Variants in AGBL1 observed in about 807,000 individuals in gnomAD.
AGBL1 encodes the protein cytosolic carboxypeptidase 4.
A neutral mutation model predicts 118.9 loss-of-function variants in AGBL1; 130 were observed. The ratio of observed to expected loss-of-function variants is 1.09; its 90% confidence interval spans 0.95 to 1.26. The LOEUF is 1.26. Ranked by LOEUF, AGBL1 falls within the 50% of genes most tolerant of loss-of-function variation. The pLI, the probability that AGBL1 is intolerant of heterozygous loss-of-function variation, is 0.00. For missense variants in AGBL1, 1,584 were observed against 1,298.1 expected (o/e 1.22, Z -3.38); for synonymous variants, 555 against 478.9 (o/e 1.16, Z -2.08).
In AGBL1 at chr15:86,342,887, C is replaced by T. The variant is rs567990888; in HGVS notation, c.2374+47479C>T. Among the ~76,000 whole-genome samples the T allele has an allele frequency of 5.9e-5, 9 of 152,268 alleles. No homozygotes were observed. In the South Asian group the frequency reaches 6.2e-4, roughly 11 times the overall value. On this transcript the variant is annotated intron_variant, in intron 17 of 22. Coordinates refer to ENST00000614907, the MANE Select transcript of AGBL1 (RefSeq NM_001386094.1). ...AAGAATATGTTCAAAGTAATTAGAACATTTTTAGATTTTCCTATGAGAGCA... is the reference window on the plus strand; with the variant it reads ...AAGAATATGTTCAAAGTAATTAGAATATTTTTAGATTTTCCTATGAGAGCA...
chr15:86,919,596 A>ACACG (rs1387610115), downstream of AGBL1, among the ~76,000 whole-genome samples: 1 of 136,236 alleles, frequency 7.3e-6, no homozygotes, highest in East Asian at 2.1e-4. Context: ...ACACACACAC[A>ACACG]CACACACACA....
chr15:86,925,178 A>AAC (rs1567242971), intron 23 of AGBL1, among the ~76,000 whole-genome samples: 2 of 125,702 alleles, frequency 1.6e-5, no homozygotes, highest in African/African-American at 3.7e-5. Context: ...GAAGAGGAAG[A>AAC]GGAAGAGGAA....
intron 17 of AGBL1, among the ~76,000 whole-genome samples, chr15:86,380,260 TCTTC>T (rs72336938): frequency 0.45 from 57,228 of 127,386 alleles, 12,998 homozygotes; most frequent in East Asian, 0.66. Flanking sequence ...TCCCTCCCTT[TCTTC>T]CTTCCTTCCT....
chr15:86,295,714 C>G (rs574943439), intron 17 of AGBL1: 12 of 205,652 alleles, frequency 5.8e-5, no homozygotes, highest in Middle Eastern at 3.7e-3. Context: ...TTTCCAACTT[C>G]TAATCCAGGG....
intron 18 of AGBL1, among the ~76,000 whole-genome samples, chr15:86,437,929 G>A (rs538885932): frequency 7.6e-4 from 116 of 151,808 alleles, no homozygotes; most frequent in South Asian, 7.5e-3. Flanking sequence ...TTTTGGAGAC[G>A]GAGTCTCATT....
intron 5 of AGBL1, among the ~76,000 whole-genome samples, chr15:86,179,666 A>G (rs1170579299): frequency 2.0e-5 from 3 of 152,210 alleles, no homozygotes; most frequent in Non-Finnish European, 4.4e-5. Context: ...GTCTACTGTC[A>G]TTAAATCTAT....
intron 24 of AGBL1, chr15:87,028,704 T>G: frequency 1.2e-6 from 1 of 807,084 alleles, no homozygotes; most frequent in South Asian, 1.6e-5. Context: ...TTGTTTATAA[T>G]CCATAGATGA....
At chr15:86,524,293 G>C (rs577145704) in intron 19 of AGBL1, among the ~76,000 whole-genome samples, 1 of 152,282 alleles carries the variant, frequency 6.6e-6, no homozygotes, top group African/African-American at 2.4e-5. Context: ...CGCAGGCTCA[G>C]TGATTCCTTA....
chr15:86,425,679 T>A (rs1261646812), intron 18 of AGBL1, among the ~76,000 whole-genome samples: 2 of 152,320 alleles, frequency 1.3e-5, no homozygotes, highest in Non-Finnish European at 2.9e-5. Flanking sequence ...TTATAATCAG[T>A]GATTTCCAAA....
chr15:86,925,190 A>AGG (rs1567243029), intron 23 of AGBL1, among the ~76,000 whole-genome samples: 7 of 134,162 alleles, frequency 5.2e-5, no homozygotes, highest in Admixed American at 1.5e-4. Flanking sequence ...GAAGAGGAAG[A>AGG]AAAGAAGAAA....
At chr15:86,370,464 C>A (rs1334064714) in intron 17 of AGBL1, among the ~76,000 whole-genome samples, 2 of 152,128 alleles carry the variant, frequency 1.3e-5, no homozygotes, top group Non-Finnish European at 2.9e-5. Context: ...GCCATCATGA[C>A]TGGCTAATGC....
chr15:86,209,502 C>G (rs556353655), intron 5 of AGBL1, among the ~76,000 whole-genome samples: 32 of 152,168 alleles, frequency 2.1e-4, no homozygotes, highest in East Asian at 3.9e-4. Context: ...GGGTGCTCCT[C>G]TATTGGGTGC....
At chr15:86,604,340 C>T (rs2084541412) in intron 21 of AGBL1, among the ~76,000 whole-genome samples, 2 of 152,174 alleles carry the variant, frequency 1.3e-5, no homozygotes, top group South Asian at 4.1e-4. Context: ...TTTATCATGA[C>T]AACCCTGTGA....
At chr15:86,236,763 CAGCTGGA>C (rs2078550438) in intron 6 of AGBL1, among the ~76,000 whole-genome samples, 1 of 151,830 alleles carries the variant, frequency 6.6e-6, no homozygotes, top group African/African-American at 2.4e-5. Flanking sequence ...CGGCAGAAAT[CAGCTGGA>C]GGCTGGAGGA....
At chr15:86,825,006 G>C (rs1415977356) in intron 22 of AGBL1, among the ~76,000 whole-genome samples, 1 of 152,060 alleles carries the variant, frequency 6.6e-6, no homozygotes, top group East Asian at 1.9e-4. Flanking sequence ...GCAATGAGCT[G>C]AGATTGTGCC....
At chr15:86,621,925 T>C (rs189546521) in intron 21 of AGBL1, among the ~76,000 whole-genome samples, 1 of 152,328 alleles carries the variant, frequency 6.6e-6, no homozygotes, top group East Asian at 1.9e-4. Context: ...ACAATCTTGT[T>C]TTACAGAGTA....
chr15:86,416,626 C>A (rs2081699804), intron 18 of AGBL1, among the ~76,000 whole-genome samples: 1 of 152,082 alleles, frequency 6.6e-6, no homozygotes, highest in African/African-American at 2.4e-5. Flanking sequence ...CTTGGCAGTG[C>A]ATTATTGAGT....
chr15:86,574,171 G>A (rs995343850), intron 21 of AGBL1, among the ~76,000 whole-genome samples: 5 of 152,230 alleles, frequency 3.3e-5, no homozygotes, highest in Non-Finnish European at 7.3e-5. Context: ...TGGATAGGCT[G>A]TACATAGTTG....
chr15:86,527,093 C>T (rs1178084633), intron 19 of AGBL1, among the ~76,000 whole-genome samples: 1 of 152,204 alleles, frequency 6.6e-6, no homozygotes, highest in East Asian at 1.9e-4. Context: ...GCACTGTAAT[C>T]TCTGCAGTCT....
Sources: allele counts gnomAD v4.1 joint callset (sites outside exome capture counted in the v4.1 genomes callset), GRCh38; gene constraint gnomAD v4.1.1; transcripts MANE v1.5; gene names NCBI Gene and HGNC (gene_info 2026-07-23, HGNC 2026-07-21).